Variants in MBNL2 observed in about 807,000 individuals in gnomAD.
The protein encoded by MBNL2 is muscleblind like splicing regulator 2.
In MBNL2, 17 loss-of-function variants were observed where a neutral mutation model predicts 41.9. The ratio of observed to expected loss-of-function variants is 0.41; its 90% CI spans 0.28 to 0.61. The LOEUF (loss-of-function observed/expected upper bound fraction) is 0.61. Among genes scored for constraint, MBNL2 ranks in the 20% least tolerant of loss-of-function variants. MBNL2 has a pLI of 0.35. For synonymous variants in MBNL2, 195 were observed against 182.9 expected, an observed-to-expected ratio of 1.07 and a Z score of -0.53; for missense variants, 336 against 505.6, an observed-to-expected ratio of 0.66 and a Z score of 3.22.
chr13:97,184,162 A>G, the MBNL2 span, among the ~76,000 whole-genome samples: 1 of 152,210 alleles, frequency 6.6e-6, no homozygotes, highest in Non-Finnish European at 1.5e-5. Context: ...CTATTCTCAC[A>G]TTCATTCTGC....
At chr13:97,158,650 T>C in the MBNL2 span, among the ~76,000 whole-genome samples, 193 of 151,968 alleles carry the variant, frequency 1.3e-3, no homozygotes, top group African/African-American at 4.5e-3. Flanking sequence ...CATTTCGTTA[T>C]GTACCCAGTA....
the MBNL2 span, among the ~76,000 whole-genome samples, chr13:97,187,648 C>T: frequency 6.8e-6 from 1 of 147,880 alleles, no homozygotes; most frequent in East Asian, 2.0e-4. Context: ...TGGCTCACGC[C>T]TGTAATCCCA....
chr13:97,243,692 TTCTTTTTCTTTTC>T (rs1305103515), intron 1 of MBNL2, among the ~76,000 whole-genome samples: 1 of 152,222 alleles, frequency 6.6e-6, no homozygotes, highest in Non-Finnish European at 1.5e-5. Context: ...ATTTAACAGT[TTCTTTTTCTTTTC>T]TCTTTTTCTT....
chr13:97,251,377 A>C (rs2046464696), intron 1 of MBNL2, among the ~76,000 whole-genome samples: 1 of 152,006 alleles, frequency 6.6e-6, no homozygotes, highest in Non-Finnish European at 1.5e-5. Flanking sequence ...CCCCATAAAT[A>C]GATACACCTA....
At chr13:97,314,393 C>T (rs2058859938) in intron 2 of MBNL2, among the ~76,000 whole-genome samples, 1 of 152,200 alleles carries the variant, frequency 6.6e-6, no homozygotes, top group Non-Finnish European at 1.5e-5. Context: ...TAGCACTTAT[C>T]ACCATCATCA....
chr13:97,151,096 T>G, the MBNL2 span, among the ~76,000 whole-genome samples: 1 of 152,144 alleles, frequency 6.6e-6, no homozygotes, highest in Admixed American at 6.6e-5. Context: ...AGCCTAACTT[T>G]GCAAGTTGGA....
chr13:97,333,309 G>T (rs1248987455), intron 2 of MBNL2, among the ~76,000 whole-genome samples: 3 of 152,108 alleles, frequency 2.0e-5, no homozygotes, highest in Non-Finnish European at 4.4e-5. Flanking sequence ...AAAACTTGGG[G>T]ATGAAGTATA....
intron 1 of MBNL2, among the ~76,000 whole-genome samples, chr13:97,229,817 T>C (rs1048645190): frequency 6.6e-6 from 1 of 152,200 alleles, no homozygotes; most frequent in Non-Finnish European, 1.5e-5. Context: ...AAAGATTCAA[T>C]TGGGACTTGT....
At chr13:97,270,950 A>T (rs955791892) in intron 1 of MBNL2, among the ~76,000 whole-genome samples, 13 of 152,172 alleles carry the variant, frequency 8.5e-5, no homozygotes, top group African/African-American at 3.1e-4. Context: ...AGCTTTTTGG[A>T]AAGGAACAGA....
chr13:97,362,329 A>G (rs779182393), intron 7 of MBNL2, among the ~76,000 whole-genome samples: 4 of 152,152 alleles, frequency 2.6e-5, no homozygotes, highest in African/African-American at 4.8e-5. Context: ...AACCTGTACT[A>G]TGAATGAAAA....
In MBNL2 at chr13:97,343,167, T is replaced by C; in HGVS notation, c.491T>C (p.Val164Ala). 1.2e-6 allele frequency: 2 copies of C among 1,613,808 alleles called. No individual in the cohort carries two copies. Among genetic ancestry groups the C allele is most frequent in the Non-Finnish European group, 1.7e-6 (2 of 1,179,890 alleles). Residue 164 changes from valine (V) to alanine (A), a missense_variant, in exon 4 of 9, where the codon GTC (valine) becomes GCC (alanine). Val to Ala is a moderately conservative substitution (Grantham distance 64). Coordinates refer to ENST00000679496, the MANE Select transcript of MBNL2 (RefSeq NM_001382683.1). ...VIVPGSPPVTVPGSTATQKLL... is the reference protein window; with the variant it reads ...VIVPGSPPVTAPGSTATQKLL... Reference sequence around the variant, plus strand: ...GTTCCCGGAAGTCCACCGGTCACTGTCCCGGGCTCAACTGCAACTCAGAAA... The same window carrying C: ...GTTCCCGGAAGTCCACCGGTCACTGCCCCGGGCTCAACTGCAACTCAGAAA...
At chr13:97,271,129 T>TTG (rs2050886082) in intron 1 of MBNL2, among the ~76,000 whole-genome samples, 2 of 150,666 alleles carry the variant, frequency 1.3e-5, no homozygotes, top group African/African-American at 4.9e-5. Flanking sequence ...TTTTTTTGTT[T>TTG]TTTTTTTTTG....
At chr13:97,385,986 G>A (rs962049664) in intron 8 of MBNL2, among the ~76,000 whole-genome samples, 4 of 152,218 alleles carry the variant, frequency 2.6e-5, no homozygotes, top group African/African-American at 9.7e-5. Context: ...GGATGGCTCA[G>A]CCTAAATCCA....
chr13:97,343,785 T>C (rs2061614591), intron 4 of MBNL2, among the ~76,000 whole-genome samples: 1 of 152,198 alleles, frequency 6.6e-6, no homozygotes, highest in Non-Finnish European at 1.5e-5. Flanking sequence ...AATTGGAGGA[T>C]GAGTAAATTT....
At chr13:97,218,218 G>C (rs2040533918), upstream of MBNL2, among the ~76,000 whole-genome samples, 1 of 151,964 alleles carries the variant, frequency 6.6e-6, no homozygotes, top group African/African-American at 2.4e-5. Flanking sequence ...AGACCATCCT[G>C]GATAGCACGG....
upstream of MBNL2, among the ~76,000 whole-genome samples, chr13:97,218,444 A>ACAAAACAAAC (rs1555302255): frequency 3.7e-5 from 5 of 136,820 alleles, no homozygotes; most frequent in Non-Finnish European, 8.0e-5. Flanking sequence ...ACAAAACAAA[A>ACAAAACAAAC]AAAAAAAACT....
the MBNL2 span, among the ~76,000 whole-genome samples, chr13:97,158,656 C>T: frequency 6.6e-6 from 1 of 151,748 alleles, no homozygotes; most frequent in Non-Finnish European, 1.5e-5. Flanking sequence ...GTTATGTACC[C>T]AGTAGTCATT....
chr13:97,306,486 A>G (rs1383086406), intron 2 of MBNL2, among the ~76,000 whole-genome samples: 1 of 152,238 alleles, frequency 6.6e-6, no homozygotes, highest in Non-Finnish European at 1.5e-5. Flanking sequence ...CTCTGAGAGC[A>G]AACTCATGGT....
Position 97,264,636 on chromosome 13 carries a change from C to G in MBNL2, c.-604-10996C>G, listed in dbSNP as rs373367451. On this transcript the variant is annotated intron_variant, in intron 1 of 8. Transcript: ENST00000679496. ...TTTTAAAGTGTGTCTGTTGGTTACA[C>G]TATGATTTTCATTTGGTGATAATAA... Among the ~76,000 whole-genome samples the G allele has an allele frequency of 9.2e-5, 14 of 152,260 alleles. No individual in the cohort carries two copies. The East Asian group carries it at 9.6e-4, about 10-fold the overall frequency.
Sources: allele counts gnomAD v4.1 joint callset (sites outside exome capture counted in the v4.1 genomes callset), GRCh38; gene constraint gnomAD v4.1.1; transcripts MANE v1.5; gene names NCBI Gene and HGNC (gene_info 2026-07-23, HGNC 2026-07-21).